ME1: variants seen among roughly 807,000 people sequenced by gnomAD.
ME1 encodes NADP-dependent malic enzyme.
In ME1, 74 loss-of-function variants were observed where a neutral mutation model predicts 66.4. The ratio of observed to expected loss-of-function variants is 1.11; its 90% CI spans 0.92 to 1.35. The LOEUF (loss-of-function observed/expected upper bound fraction) is 1.35, where lower values mean the gene tolerates loss of function less well. Among genes scored for constraint, ME1 ranks in the 40% most tolerant of loss-of-function variants. The pLI, the probability that ME1 is intolerant of heterozygous loss-of-function variation, is 0.00. For synonymous variants in ME1, 251 were observed against 235.6 expected, an observed-to-expected ratio of 1.07 and a Z score of -0.60; for missense variants, 750 against 694.1, an observed-to-expected ratio of 1.08 and a Z score of -0.90.
intron 3 of ME1, among the ~76,000 whole-genome samples, chr6:83,368,389 T>G (rs759439370): frequency 5.3e-5 from 8 of 151,424 alleles, no homozygotes; most frequent in African/African-American, 9.7e-5. Flanking sequence ...AAAAAAAAAT[T>G]ATCTGCAAAG....
chr6:83,412,030 T>C (rs564287330), intron 1 of ME1, among the ~76,000 whole-genome samples: 4 of 152,258 alleles, frequency 2.6e-5, no homozygotes, highest in African/African-American at 7.2e-5. Context: ...GAAAAGAAAA[T>C]TCCTGACATG....
chr6:83,368,152 C>T (rs1439344437), intron 3 of ME1, among the ~76,000 whole-genome samples: 2 of 151,814 alleles, frequency 1.3e-5, no homozygotes, highest in African/African-American at 2.4e-5. Flanking sequence ...TATATGGGAG[C>T]GGTTCATGGT....
intron 6 of ME1, among the ~76,000 whole-genome samples, chr6:83,287,399 C>T (rs147304146): frequency 9.9e-5 from 15 of 152,216 alleles, no homozygotes; most frequent in Middle Eastern, 3.4e-3. Context: ...TGAGAACATG[C>T]GGTGTTTGGT....
chr6:83,270,229 A>T (rs986520063), intron 6 of ME1, among the ~76,000 whole-genome samples: 1 of 152,122 alleles, frequency 6.6e-6, no homozygotes. Context: ...TTTAAAAAAC[A>T]TATTTCTTAT....
intron 6 of ME1, among the ~76,000 whole-genome samples, chr6:83,280,105 A>G (rs946778325): frequency 2.0e-5 from 3 of 152,196 alleles, no homozygotes; most frequent in African/African-American, 7.2e-5. Flanking sequence ...GCCTTGCAGT[A>G]ATATTAAAAG....
chr6:83,212,159 G>T, intron 13 of ME1, 65 bp from the exon 14 acceptor site: 1 of 1,191,898 alleles, frequency 8.4e-7, no homozygotes, highest in Non-Finnish European at 1.1e-6. Context: ...CCATGTGAGT[G>T]GAAGTTTTTA....
In ME1 at chr6:83,239,629, T is replaced by C; in HGVS notation, c.822A>G (p.Ala274=). 2 of 1,611,194 alleles carry C rather than the reference T, an allele frequency of 1.2e-6. No homozygotes were observed. The highest frequency in any genetic ancestry group is 1.3e-5 in the African/African-American group (1 of 75,016). The change falls in exon 8 of 14, where the codon GCA becomes GCG. Residue 274 remains alanine, a synonymous_variant. Transcript: ENST00000369705. ...CTFNDDIQGT[A]SVAVAGLLAA... ...CAAGGAGACCTGCAACTGCAACAGA[T>C]GCTGTTCCTGAAACAAGTAATAAAT...
rs1767131986 is a variant in ME1, at chr6:83,274,016, C to T, written c.705-20278G>A. ...TCCCTTCTGTTTTCAAACTCGTATCCCTCAGCTTCACTGCTACCTTTCCAA... is the reference window on the plus strand; with the variant it reads ...TCCCTTCTGTTTTCAAACTCGTATCTCTCAGCTTCACTGCTACCTTTCCAA... On this transcript the variant is annotated intron_variant, in intron 6 of 13. Coordinates refer to ENST00000369705, the MANE Select transcript of ME1 (RefSeq NM_002395.6). Among the ~76,000 whole-genome samples the T allele has an allele frequency of 5.3e-5, 8 of 152,242 alleles. 1 individual carries two copies. In the South Asian group the frequency reaches 6.2e-4, roughly 12 times the overall value.
intron 6 of ME1, among the ~76,000 whole-genome samples, chr6:83,305,362 G>A (rs1490065480): frequency 6.6e-6 from 1 of 152,064 alleles, no homozygotes; most frequent in Non-Finnish European, 1.5e-5. Flanking sequence ...GAAAAGTAGA[G>A]CAAAACAAGG....
intron 3 of ME1, among the ~76,000 whole-genome samples, chr6:83,388,091 C>CTTTTTTTTTTT (rs57683304): frequency 0.21 from 28,215 of 131,474 alleles, 3,692 homozygotes; most frequent in Admixed American, 0.29. Flanking sequence ...TCCTTCCTTC[C>CTTTTTTTTTTT]TTTTTTTTTT....
rs935891186 is a variant in ME1 at position 83,244,633 on chromosome 6, C to T, written c.815-4997G>A. ...TTTGAGCTTTTGCACAAAGCTTGTG[C>T]TTCCTGTCATGTGTTATTCTGATAG... On this transcript the variant is annotated intron_variant, in intron 7 of 13. Coordinates refer to ENST00000369705, the MANE Select transcript of ME1 (RefSeq NM_002395.6). 2.3e-4 allele frequency among the ~76,000 whole-genome samples: 35 copies of T among 151,982 alleles called. 1 individual carries two copies. The highest frequency in any genetic ancestry group is 2.0e-3 in the Admixed American group (31 of 15,260).
intron 1 of ME1, among the ~76,000 whole-genome samples, chr6:83,425,019 T>C (rs1172372555): frequency 6.6e-6 from 1 of 152,224 alleles, no homozygotes; most frequent in Non-Finnish European, 1.5e-5. Context: ...TTTTGCTTTG[T>C]TTTGTTTTTC....
intron 5 of ME1, among the ~76,000 whole-genome samples, chr6:83,344,130 A>C (rs1212057186): frequency 6.6e-6 from 1 of 151,638 alleles, no homozygotes; most frequent in Non-Finnish European, 1.5e-5. Context: ...AAAAAGGTTA[A>C]AAAAAATTAG....
At position 83,377,025 on chromosome 6, in the gene ME1, T is replaced by G. The variant is rs141839063; in HGVS notation, c.362+21342A>C. Among the ~76,000 whole-genome samples, 22 of 152,252 alleles carry G rather than the reference T, an allele frequency of 1.4e-4. No individual in the cohort carries two copies. The East Asian group carries it at 4.0e-3, about 28-fold the overall frequency. ...AAAAGTGTAAGATACACACATTTCA[T>G]ACTGAAAAAGTTTATACTGTGGAAA... is the stretch of plus-strand genomic sequence containing the variant. On this transcript the variant is annotated intron_variant, in intron 3 of 13. Coordinates refer to ENST00000369705, the MANE Select transcript of ME1 (RefSeq NM_002395.6).
intron 4 of ME1, among the ~76,000 whole-genome samples, chr6:83,346,629 A>G: frequency 6.6e-6 from 1 of 152,198 alleles, no homozygotes; most frequent in Non-Finnish European, 1.5e-5. Context: ...GGTAAAGTAT[A>G]GGGAAATAAG....
At chr6:83,385,010 T>C (rs1217546020) in intron 3 of ME1, among the ~76,000 whole-genome samples, 1 of 151,890 alleles carries the variant, frequency 6.6e-6, no homozygotes, top group Non-Finnish European at 1.5e-5. Flanking sequence ...ATACACTTTC[T>C]TCTATATGAA....
intron 1 of ME1, among the ~76,000 whole-genome samples, chr6:83,424,164 T>C (rs1318627512): frequency 6.6e-6 from 1 of 151,750 alleles, no homozygotes; most frequent in Non-Finnish European, 1.5e-5. Flanking sequence ...GTAATACATA[T>C]ATAGAGATAT....
chr6:83,413,787 T>A (rs1040263516), intron 1 of ME1, among the ~76,000 whole-genome samples: 4 of 152,208 alleles, frequency 2.6e-5, no homozygotes, highest in Non-Finnish European at 4.4e-5. Context: ...TGATTATTTT[T>A]AAATTCTAAT....
chr6:83,362,208 G>A (rs114957171), intron 3 of ME1, among the ~76,000 whole-genome samples: 183 of 152,314 alleles, frequency 1.2e-3, no homozygotes, highest in African/African-American at 4.1e-3. Flanking sequence ...GATTATACAC[G>A]GATTCATGGG....
Sources: gnomAD v4.1 joint callset for allele counts (sites outside exome capture counted in the v4.1 genomes callset) on GRCh38, gnomAD v4.1.1 for gene constraint, MANE v1.5 for transcripts, NCBI Gene and HGNC (gene_info 2026-07-23, HGNC 2026-07-21) for gene names.